The following NKAIN2 variants were observed in gnomAD, a reference collection of about 807,000 sequenced individuals.
NKAIN2 encodes the protein sodium/potassium-transporting ATPase subunit beta-1-interacting protein 2.
In NKAIN2, 14 loss-of-function variants were observed where a neutral mutation model predicts 32.6. The observed-to-expected ratio is 0.43, with a 90% CI of 0.28 to 0.67. The LOEUF is 0.67. Ranked by LOEUF, NKAIN2 falls within the 30% of genes least tolerant of loss-of-function variation. NKAIN2 has a pLI of 0.17. For missense variants in NKAIN2, 198 were observed against 258.3 expected, an observed-to-expected ratio of 0.77 and a Z score of 1.60; for synonymous variants, 80 against 87.2, an observed-to-expected ratio of 0.92 and a Z score of 0.46.
chr6:124,334,111 A>G (rs1432064670), intron 2 of NKAIN2, among the ~76,000 whole-genome samples: 1 of 152,204 alleles, frequency 6.6e-6, no homozygotes, highest in East Asian at 1.9e-4. Context: ...TTCATTAATT[A>G]AAAGTCTCGA....
At chr6:124,609,355 TA>T in intron 3 of NKAIN2, among the ~76,000 whole-genome samples, 1 of 152,216 alleles carries the variant, frequency 6.6e-6, no homozygotes, top group Non-Finnish European at 1.5e-5. Flanking sequence ...AGTTTTACTT[TA>T]TTTTTTCATC....
chr6:124,507,098 A>T (rs911048065), intron 3 of NKAIN2, among the ~76,000 whole-genome samples: 3 of 152,206 alleles, frequency 2.0e-5, no homozygotes, highest in Non-Finnish European at 4.4e-5. Context: ...CAAAGAAGAA[A>T]GGATAAGCAT....
chr6:123,949,351 A>G (rs928994124), intron 1 of NKAIN2, among the ~76,000 whole-genome samples: 1 of 151,902 alleles, frequency 6.6e-6, no homozygotes, highest in Non-Finnish European at 1.5e-5. Flanking sequence ...GGCATTGGTA[A>G]TTTAATAGAG....
chr6:124,026,350 C>T (rs927438798), intron 1 of NKAIN2, among the ~76,000 whole-genome samples: 2 of 149,988 alleles, frequency 1.3e-5, no homozygotes, highest in African/African-American at 2.5e-5. Flanking sequence ...ATTCTCTTAA[C>T]CAAATTAGTG....
At chr6:124,705,417 T>A (rs1361744554) in intron 4 of NKAIN2, among the ~76,000 whole-genome samples, 1 of 150,990 alleles carries the variant, frequency 6.6e-6, no homozygotes, top group African/African-American at 2.5e-5. Flanking sequence ...AATTCCCAGC[T>A]GCTTTCTTGT....
chr6:124,252,578 A>G (rs1793734873), intron 1 of NKAIN2, among the ~76,000 whole-genome samples: 1 of 152,134 alleles, frequency 6.6e-6, no homozygotes, highest in African/African-American at 2.4e-5. Flanking sequence ...GTGCATGTAT[A>G]ACATGCATAA....
At chr6:124,276,533 C>T (rs946424451) in intron 1 of NKAIN2, among the ~76,000 whole-genome samples, 1 of 152,096 alleles carries the variant, frequency 6.6e-6, no homozygotes, top group South Asian at 2.1e-4. Context: ...TAAGATAAAA[C>T]AAAATTATAT....
chr6:124,783,207 A>G (rs1779351465), intron 4 of NKAIN2, among the ~76,000 whole-genome samples: 1 of 152,112 alleles, frequency 6.6e-6, no homozygotes, highest in Non-Finnish European at 1.5e-5. Flanking sequence ...TGCCCAGTTT[A>G]CTAATACACC....
At chr6:124,389,672 TTCTC>T (rs1327242852) in intron 3 of NKAIN2, among the ~76,000 whole-genome samples, 1 of 151,418 alleles carries the variant, frequency 6.6e-6, no homozygotes, top group Non-Finnish European at 1.5e-5. Flanking sequence ...CTCACCCTCT[TTCTC>T]TCTATCTTTC....
intron 3 of NKAIN2, among the ~76,000 whole-genome samples, chr6:124,503,270 AG>A (rs1778362067): frequency 6.6e-6 from 1 of 152,158 alleles, no homozygotes; most frequent in African/African-American, 2.4e-5. Flanking sequence ...AAAGTCTAAA[AG>A]AAAAACTAGA....
chr6:124,699,408 A>G (rs1397910198), intron 4 of NKAIN2, among the ~76,000 whole-genome samples: 1 of 152,188 alleles, frequency 6.6e-6, no homozygotes, highest in East Asian at 1.9e-4. Flanking sequence ...CAAGGCCTTT[A>G]TGAACCAGCC....
chr6:124,776,954 T>G (rs1890179), intron 4 of NKAIN2, among the ~76,000 whole-genome samples: 138,980 of 152,096 alleles, frequency 0.91, 64,040 homozygotes, highest in East Asian at 1. Flanking sequence ...TTATAGATAT[T>G]CAATTTAGAT....
At chr6:124,721,789 C>T (rs1026212190) in intron 4 of NKAIN2, among the ~76,000 whole-genome samples, 28 of 152,270 alleles carry the variant, frequency 1.8e-4, no homozygotes, top group African/African-American at 6.3e-4. Flanking sequence ...CCAATGGCCC[C>T]AGCAGCAGCT....
At chr6:124,403,605 C>T (rs978708673) in intron 3 of NKAIN2, among the ~76,000 whole-genome samples, 1 of 152,142 alleles carries the variant, frequency 6.6e-6, no homozygotes, top group Admixed American at 6.5e-5. Flanking sequence ...ATTTAATGGG[C>T]ATCCACTATG....
intron 1 of NKAIN2, among the ~76,000 whole-genome samples, chr6:123,805,781 A>G (rs2114849787): frequency 6.6e-6 from 1 of 152,286 alleles, no homozygotes; most frequent in East Asian, 1.9e-4. Context: ...TATTATTCAG[A>G]AAAAGAATAC....
Position 124,564,483 on chromosome 6 carries a change from C to T in NKAIN2, c.274-93703C>T, listed in dbSNP as rs563121233. 4.6e-3 allele frequency among the ~76,000 whole-genome samples: 427 copies of T among 92,784 alleles called. 2 individuals carry two copies. Among genetic ancestry groups the T allele is most frequent in the African/African-American group, 0.01 (395 of 38,614 alleles). The allele number at this position is 92,784 out of a possible 152,430, so 60.9% of individuals were successfully genotyped here. A position where few individuals can be genotyped will look rare whatever the true frequency, so the allele number is the denominator to read the frequency against. On this transcript the variant is annotated intron_variant, in intron 3 of 6. Coordinates refer to ENST00000368417, the MANE Select transcript of NKAIN2 (RefSeq NM_001040214.3). The stretch of plus-strand genomic sequence containing the variant: ...GACAAATAAGAGAATAAAAGCTGGC[C>T]AACCCCCCCCTCCCCCACCAGCCAG...
chr6:124,025,293 T>C (rs1781053042), intron 1 of NKAIN2, among the ~76,000 whole-genome samples: 1 of 152,180 alleles, frequency 6.6e-6, no homozygotes. Flanking sequence ...TAGTGTGTAT[T>C]GCTGGTCTGA....
chr6:124,321,356 A>G (rs1797180759), intron 2 of NKAIN2, among the ~76,000 whole-genome samples: 1 of 152,130 alleles, frequency 6.6e-6, no homozygotes, highest in Admixed American at 6.6e-5. Context: ...CATTAGGAGA[A>G]ATACCTAATG....
chr6:124,009,525 A>G (rs1780226573), intron 1 of NKAIN2, among the ~76,000 whole-genome samples: 1 of 151,926 alleles, frequency 6.6e-6, no homozygotes, highest in Non-Finnish European at 1.5e-5. Flanking sequence ...TGCATACCCT[A>G]CAATGTCTTG....
Sources: allele counts gnomAD v4.1 joint callset (sites outside exome capture counted in the v4.1 genomes callset), GRCh38; gene constraint gnomAD v4.1.1; transcripts MANE v1.5; gene names NCBI Gene and HGNC (gene_info 2026-07-23, HGNC 2026-07-21).